The following PLD1 variants were observed in gnomAD, a reference collection of about 807,000 sequenced individuals.
PLD1 encodes the protein phospholipase D1, also known as choline phosphatase 1.
In PLD1, 112 loss-of-function variants were observed where a neutral mutation model predicts 137.1. The ratio of observed to expected loss-of-function variants is 0.82; its 90% CI spans 0.70 to 0.96. The LOEUF is 0.96. PLD1 is among the 40% of genes least tolerant of loss of function. The pLI is 0.00. For missense variants in PLD1, 1,321 were observed against 1,342.0 expected (o/e 0.98, Z 0.24); for synonymous variants, 431 against 454.7 (o/e 0.95, Z 0.66).
intron 12 of PLD1, among the ~76,000 whole-genome samples, chr3:171,694,872 G>A (rs1029119204): frequency 6.6e-6 from 1 of 152,040 alleles, no homozygotes; most frequent in Admixed American, 6.5e-5. Flanking sequence ...CTTCTATACT[G>A]TCTTTTCTCA....
At chr3:171,614,867 A>G (rs1158748802) in intron 24 of PLD1, among the ~76,000 whole-genome samples, 2 of 152,022 alleles carry the variant, frequency 1.3e-5, no homozygotes, top group East Asian at 1.9e-4. Context: ...CTCTCCCACC[A>G]CAGTGGGCCC....
intron 1 of PLD1, among the ~76,000 whole-genome samples, chr3:171,770,673 G>T (rs1722283658): frequency 6.6e-6 from 1 of 151,884 alleles, no homozygotes; most frequent in African/African-American, 2.4e-5. Context: ...CTTGAGCCCT[G>T]GGGTTGGAGA....
Position 171,734,911 on chromosome 3 carries a change from C to T in PLD1, c.494G>A (p.Arg165His), listed in dbSNP as rs148972595. 5,326 of 1,613,194 alleles carry T rather than the reference C, an allele frequency of 3.3e-3. 15 individuals carry two copies. Among genetic ancestry groups the T allele is most frequent in the Non-Finnish European group, 3.8e-3 (4,502 of 1,179,230 alleles). The change falls in exon 5 of 27, where the codon CGT becomes CAT. Residue 165 changes from arginine (R) to histidine (H), a missense_variant. By Grantham distance (29) the Arg-to-His change is conservative. Transcript: ENST00000351298. ...TTCTCTTATCATGTTTTCAGATGAA[C>T]GGGGCAAACTGGGCATCTCTCGAGG... ...EEPREMPSLP[R>H]SSENMIREEQ... is the part of the protein sequence containing the mutation.
At chr3:171,620,671 G>C (rs1733517537) in intron 23 of PLD1, 151 bp from the exon 24 acceptor site, 1 of 350,270 alleles carries the variant, frequency 2.9e-6, no homozygotes, top group Non-Finnish European at 5.0e-6. Flanking sequence ...AATTCATCCA[G>C]GATTTATTTT....
intron 1 of PLD1, among the ~76,000 whole-genome samples, chr3:171,798,087 C>G (rs925469601): frequency 6.6e-6 from 1 of 152,096 alleles, no homozygotes; most frequent in Non-Finnish European, 1.5e-5. Context: ...CAGGTAACAC[C>G]GCTACTTAAG....
At chr3:171,624,994 G>GT (rs1388907047) in intron 23 of PLD1, among the ~76,000 whole-genome samples, 1 of 151,906 alleles carries the variant, frequency 6.6e-6, no homozygotes, top group Admixed American at 6.6e-5. Flanking sequence ...ATTTAAATAT[G>GT]TTTTTTGTAT....
chr3:171,722,064 T>C (rs542371008), intron 8 of PLD1, among the ~76,000 whole-genome samples: 2 of 152,304 alleles, frequency 1.3e-5, no homozygotes, highest in South Asian at 2.1e-4. Context: ...AAATATTATA[T>C]ACAGATATAA....
chr3:171,699,633 G>T, intron 12 of PLD1, 112 bp downstream of exon 12: 3 of 744,590 alleles, frequency 4.0e-6, no homozygotes, highest in Non-Finnish European at 2.3e-6. Context: ...CCTACTTTTT[G>T]TCAAACTCTA....
In PLD1 at chr3:171,676,746, C is replaced by T. The variant is rs777216916; in HGVS notation, c.2084G>A (p.Arg695His). 20 of 1,613,914 alleles carry T rather than the reference C, an allele frequency of 1.2e-5. No homozygotes were observed. The highest frequency in any genetic ancestry group is 5.3e-5 in the African/African-American group (4 of 74,910). ...GAAGTTCCAGCGCTGGATGAAGTGA[C>T]GTGCCACATCACGAGCCGCCTTCCC... ...VHGKAARDVA[R>H]HFIQRWNFTK... Residue 695 changes from arginine (R) to histidine (H), a missense_variant, in exon 18 of 27, where the codon CGT (arginine) becomes CAT (histidine). Arg to His is a conservative substitution (Grantham distance 29). Transcript: ENST00000351298.
chr3:171,628,929 G>A (rs1352170539), intron 23 of PLD1, among the ~76,000 whole-genome samples: 1 of 149,630 alleles, frequency 6.7e-6, no homozygotes, highest in Admixed American at 6.7e-5. Context: ...AAAACTGGAA[G>A]CATTCCCTTT....
chr3:171,746,639 G>A (rs2108281571), intron 1 of PLD1, among the ~76,000 whole-genome samples: 1 of 152,214 alleles, frequency 6.6e-6, no homozygotes, highest in East Asian at 1.9e-4. Flanking sequence ...TGGGGACTTG[G>A]AGAACCTTTA....
At chr3:171,692,780 C>A (rs1022148882) in intron 12 of PLD1, among the ~76,000 whole-genome samples, 3 of 152,150 alleles carry the variant, frequency 2.0e-5, no homozygotes, top group Non-Finnish European at 4.4e-5. Context: ...CTCAGCCGCT[C>A]AAAGTGCTGG....
intron 1 of PLD1, among the ~76,000 whole-genome samples, chr3:171,742,252 G>C (rs981803236): frequency 7.9e-5 from 12 of 152,056 alleles, no homozygotes; most frequent in African/African-American, 2.9e-4. Context: ...TAAAGTCAGG[G>C]TCTTGCTCTC....
intron 8 of PLD1, among the ~76,000 whole-genome samples, chr3:171,722,220 T>C (rs1718180797): frequency 6.6e-6 from 1 of 152,236 alleles, no homozygotes; most frequent in South Asian, 2.1e-4. Context: ...AAGGAGTTTT[T>C]AGTTGGTAAG....
At chr3:171,772,721 G>A (rs1471368313) in intron 1 of PLD1, among the ~76,000 whole-genome samples, 1 of 152,182 alleles carries the variant, frequency 6.6e-6, no homozygotes, top group African/African-American at 2.4e-5. Context: ...GATGTTGGAA[G>A]AAAAACAGAG....
At chr3:171,788,730 A>T (rs1378741574) in intron 1 of PLD1, 2 of 152,216 alleles carry the variant, frequency 1.3e-5, no homozygotes, top group African/African-American at 2.4e-5. Context: ...GCTTGTGGTT[A>T]TCTACGTTCA....
intron 24 of PLD1, among the ~76,000 whole-genome samples, chr3:171,615,603 G>A (rs552883034): frequency 6.6e-6 from 1 of 152,244 alleles, no homozygotes; most frequent in East Asian, 1.9e-4. Flanking sequence ...GTTTACTTCT[G>A]ACTTGTTTTT....
At position 171,801,367 on chromosome 3, in the gene PLD1, A is replaced by G. The variant is rs1485750454; in HGVS notation, c.-32+9032T>C. 9.2e-5 allele frequency among the ~76,000 whole-genome samples: 14 copies of G among 152,380 alleles called. No homozygotes were observed. In the East Asian group the frequency reaches 2.5e-3, roughly 27 times the overall value. ...ACTGTCAGTCAAACCTACCCCGTGT[A>G]TCTGGTGAGATCAGACAGGACGAAC... is the stretch of plus-strand genomic sequence containing the variant. On this transcript the variant is annotated intron_variant, in intron 1 of 26. Coordinates refer to ENST00000351298, the MANE Select transcript of PLD1 (RefSeq NM_002662.5).
intron 1 of PLD1, among the ~76,000 whole-genome samples, chr3:171,748,528 G>A (rs1037977702): frequency 1.1e-4 from 17 of 152,024 alleles, no homozygotes; most frequent in African/African-American, 4.1e-4. Context: ...TGAATTTCAC[G>A]TATGAGAAGA....
Sources: gnomAD v4.1 joint callset for allele counts (sites outside exome capture counted in the v4.1 genomes callset) on GRCh38, gnomAD v4.1.1 for gene constraint, MANE v1.5 for transcripts, NCBI Gene and HGNC (gene_info 2026-07-23, HGNC 2026-07-21) for gene names.